The following MDGA2 variants were observed in gnomAD, a reference collection of about 807,000 sequenced individuals.
MDGA2 encodes the protein MAM domain containing glycosylphosphatidylinositol anchor 2.
MDGA2 carries 40 observed loss-of-function variants against 117.8 expected under a neutral mutation model. That is an observed-to-expected ratio of 0.34 (90% CI 0.26 to 0.44). MDGA2 has a LOEUF of 0.44. MDGA2 is among the 20% of genes least tolerant of loss of function. MDGA2 has a pLI of 1.00. For missense variants in MDGA2, 1,123 were observed against 1,250.6 expected (o/e 0.90, Z 1.54); for synonymous variants, 452 against 439.0 (o/e 1.03, Z -0.37).
At chr14:47,450,486 C>T (rs1324373316) in intron 1 of MDGA2, among the ~76,000 whole-genome samples, 4 of 151,982 alleles carry the variant, frequency 2.6e-5, no homozygotes, top group Admixed American at 1.3e-4. Flanking sequence ...ACATCATTAA[C>T]ATTATTAAAG....
chr14:47,243,754 C>G (rs750900988), intron 2 of MDGA2, among the ~76,000 whole-genome samples: 1 of 151,706 alleles, frequency 6.6e-6, no homozygotes, highest in African/African-American at 2.4e-5. Context: ...CGCGAGGGTC[C>G]GAGGCTTCAT....
chr14:47,653,210 G>A (rs1402879736), intron 1 of MDGA2, among the ~76,000 whole-genome samples: 4 of 152,022 alleles, frequency 2.6e-5, no homozygotes, highest in Non-Finnish European at 5.9e-5. Context: ...AAAAACTCAG[G>A]AAATACGAAC....
chr14:46,922,449 G>A (rs538244247), intron 9 of MDGA2, among the ~76,000 whole-genome samples: 114 of 152,262 alleles, frequency 7.5e-4, no homozygotes, highest in Non-Finnish European at 1.4e-3. Flanking sequence ...GATTTGATAT[G>A]TTAACTAATT....
At position 46,862,682 on chromosome 14, in the gene MDGA2, A is replaced by G. The variant is rs114718228; in HGVS notation, c.2753-7528T>C. The stretch of plus-strand genomic sequence containing the variant: ...ACTTGCATACAAATCGCATTGTTAT[A>G]ATCAGTAACACAGACTTACTGAGTT... On this transcript the variant is annotated intron_variant, in intron 14 of 16. Transcript: ENST00000399232. 4.6e-3 allele frequency among the ~76,000 whole-genome samples: 693 copies of G among 152,110 alleles called. 7 individuals carry two copies. The highest frequency in any genetic ancestry group is 0.015 in the African/African-American group (633 of 41,560).
chr14:46,939,945 T>G (rs141640730), intron 9 of MDGA2, among the ~76,000 whole-genome samples: 62 of 152,274 alleles, frequency 4.1e-4, no homozygotes, highest in African/African-American at 1.4e-3. Context: ...AAATCCAGGC[T>G]GTATTACTCT....
rs923383054 is a variant in MDGA2, at chr14:47,540,300, AC to A, written c.280+134216del. On this transcript the variant is annotated intron_variant, in intron 1 of 16. Coordinates refer to ENST00000399232, the MANE Select transcript of MDGA2 (RefSeq NM_001113498.3). ...AGTGCTGGGATTACAGGCGTGGGCC[AC>A]CGTGCCCGGCCCATCCACTTATTTT... 6.6e-5 allele frequency among the ~76,000 whole-genome samples: 10 copies of A among 152,064 alleles called. No individual in the cohort carries two copies. The South Asian group carries it at 8.3e-4, about 13-fold the overall frequency.
chr14:47,541,309 A>G (rs539446037), intron 1 of MDGA2, among the ~76,000 whole-genome samples: 21 of 152,242 alleles, frequency 1.4e-4, no homozygotes, highest in Non-Finnish European at 2.6e-4. Context: ...TTTGAGAACA[A>G]GAAGAATCCA....
At chr14:47,094,395 G>A (rs1879844543) in intron 6 of MDGA2, among the ~76,000 whole-genome samples, 1 of 151,946 alleles carries the variant, frequency 6.6e-6, no homozygotes, top group Non-Finnish European at 1.5e-5. Flanking sequence ...AAACTGTTAG[G>A]TAGGGTAGAG....
intron 1 of MDGA2, among the ~76,000 whole-genome samples, chr14:47,638,921 A>G (rs1897371171): frequency 6.6e-6 from 1 of 152,102 alleles, no homozygotes; most frequent in Admixed American, 6.5e-5. Flanking sequence ...TACTTTCTCT[A>G]GTTCTGTGTA....
intron 1 of MDGA2, among the ~76,000 whole-genome samples, chr14:47,306,842 GGAGA>G (rs10629208): frequency 0.28 from 41,331 of 146,592 alleles, 6,478 homozygotes; most frequent in Admixed American, 0.47. Context: ...AGAGAAAGAG[GGAGA>G]GAGAGAGAGA....
rs1477357010 is a variant in MDGA2, at chr14:47,609,428, C to CACATATATATATAT, written c.280+65088_280+65089insATATATATATATGT. On this transcript the variant is annotated intron_variant, in intron 1 of 16. Coordinates refer to ENST00000399232, the MANE Select transcript of MDGA2 (RefSeq NM_001113498.3). ...TTTCTATGGCTGAGTAGTATTCCAT[C>CACATATATATATAT]ATATATATATATATATATATATATA... 1.8e-3 allele frequency among the ~76,000 whole-genome samples: 31 copies of CACATATATATATAT among 17,564 alleles called. 2 individuals are homozygous for CACATATATATATAT. Among genetic ancestry groups the CACATATATATATAT allele is most frequent in the Middle Eastern group, 0.056 (2 of 36 alleles). 11.5% of individuals were successfully genotyped at this position (17,564 alleles called of 152,430 possible). A position where few individuals can be genotyped will look rare whatever the true frequency, so the allele number is the denominator to read the frequency against.
intron 1 of MDGA2, among the ~76,000 whole-genome samples, chr14:47,439,305 G>T (rs1566457174): frequency 6.6e-6 from 1 of 152,094 alleles, no homozygotes; most frequent in Non-Finnish European, 1.5e-5. Context: ...GTGTGTATAT[G>T]TAAGATATGT....
chr14:47,569,781 G>A (rs1895984710), intron 1 of MDGA2, among the ~76,000 whole-genome samples: 1 of 152,114 alleles, frequency 6.6e-6, no homozygotes, highest in Admixed American at 6.5e-5. Flanking sequence ...GTATATTTCA[G>A]GTACAGATTA....
chr14:46,896,435 C>T (rs1883079926), intron 10 of MDGA2, among the ~76,000 whole-genome samples: 2 of 151,964 alleles, frequency 1.3e-5, no homozygotes, highest in Admixed American at 1.3e-4. Flanking sequence ...AGAAATTGTA[C>T]AACATTAATT....
chr14:47,059,361 T>G (rs1314284690), intron 7 of MDGA2: 4 of 1,251,152 alleles, frequency 3.2e-6, no homozygotes, highest in Non-Finnish European at 4.2e-6. Context: ...ATATATTTCT[T>G]TTATCTCCAA....
At position 47,442,971 on chromosome 14, in the gene MDGA2, G is replaced by A. The variant is rs1327404444; in HGVS notation, c.281-141421C>T. Among the ~76,000 whole-genome samples, 4 of 152,042 alleles carry A rather than the reference G, an allele frequency of 2.6e-5. No individual in the cohort carries two copies. The South Asian group carries it at 8.3e-4, about 31-fold the overall frequency. ...ACTTAACCATCTCAGTTATCAGATG[G>A]ACTGTCACTGAATTGCCGTTCTTGT... On this transcript the variant is annotated intron_variant, in intron 1 of 16. Coordinates refer to ENST00000399232, the MANE Select transcript of MDGA2 (RefSeq NM_001113498.3).
intron 1 of MDGA2, among the ~76,000 whole-genome samples, chr14:47,607,709 T>A (rs993581180): frequency 6.6e-6 from 1 of 152,058 alleles, no homozygotes; most frequent in Non-Finnish European, 1.5e-5. Flanking sequence ...GCATCCAGAG[T>A]AAGTGGTTTT....
chr14:47,587,055 A>G (rs1377258750), intron 1 of MDGA2, among the ~76,000 whole-genome samples: 1 of 151,956 alleles, frequency 6.6e-6, no homozygotes, highest in Non-Finnish European at 1.5e-5. Context: ...TGAAGGCATC[A>G]GGACCAGAAA....
At chr14:47,036,057 C>A (rs1356291810) in intron 7 of MDGA2, among the ~76,000 whole-genome samples, 2 of 151,920 alleles carry the variant, frequency 1.3e-5, no homozygotes, top group South Asian at 4.2e-4. Flanking sequence ...ATCACGAGGT[C>A]AGGAGATCGA....
Sources: allele counts gnomAD v4.1 joint callset (sites outside exome capture counted in the v4.1 genomes callset), GRCh38; gene constraint gnomAD v4.1.1; transcripts MANE v1.5; gene names NCBI Gene and HGNC (gene_info 2026-07-23, HGNC 2026-07-21).